NRXN1: variants seen among roughly 807,000 people sequenced by gnomAD.
NRXN1 encodes neurexin 1.
Under a neutral mutation model 150.9 loss-of-function variants are expected in NRXN1, and 39 were observed. That is an observed-to-expected ratio of 0.26 (90% confidence interval 0.20 to 0.34). NRXN1 has a LOEUF of 0.34. Among genes scored for constraint, NRXN1 ranks in the 10% least tolerant of loss-of-function variants. The pLI is 1.00. For missense variants in NRXN1, 1,815 were observed against 1,949.9 expected, an observed-to-expected ratio of 0.93 and a Z score of 1.30; for synonymous variants, 924 against 757.0, an observed-to-expected ratio of 1.22 and a Z score of -3.62.
At position 51,028,018 on chromosome 2, in the gene NRXN1, C is replaced by T. The variant is rs1434753092; in HGVS notation, c.256G>A (p.Gly86Ser). Reference protein sequence around the residue: ...CDFLELILTRGGRLQLSFSIF... With the variant: ...CDFLELILTRSGRLQLSFSIF... ...GAGAAGCTGAGCTGCAGGCGGCCGCCGCGCGTCAGAATCAGCTCCAGGAAG... is the reference window on the plus strand; with the variant it reads ...GAGAAGCTGAGCTGCAGGCGGCCGCTGCGCGTCAGAATCAGCTCCAGGAAG... Residue 86 changes from glycine to serine, a missense_variant, in exon 2 of 23, where the codon GGC (glycine) becomes AGC (serine). By Grantham distance (56) the Gly-to-Ser change is moderately conservative (BLOSUM62 0). This residue lies in a region of NRXN1 where 554 missense variants were observed against 478.8 expected (regional missense o/e 1.16). Transcript: ENST00000401669. 4 of 1,599,388 alleles carry T rather than the reference C, an allele frequency of 2.5e-6. No homozygotes were observed. The highest frequency in any genetic ancestry group is 2.5e-6 in the Non-Finnish European group (3 of 1,177,694).
At chr2:50,976,100 T>C (rs983890469) in intron 2 of NRXN1, among the ~76,000 whole-genome samples, 27 of 152,014 alleles carry the variant, frequency 1.8e-4, no homozygotes, top group Admixed American at 1.2e-3. Context: ...GACTCCCTAT[T>C]TTCTGATGAG....
chr2:50,252,116 T>C (rs541496269), intron 17 of NRXN1, among the ~76,000 whole-genome samples: 6 of 151,866 alleles, frequency 4.0e-5, no homozygotes, highest in Non-Finnish European at 8.8e-5. Flanking sequence ...CCTATGCCTA[T>C]GTCCTGAATG....
At position 51,026,095 on chromosome 2, in the gene NRXN1, G is replaced by C. The variant is rs79697415; in HGVS notation, c.772+1407C>G. Among the ~76,000 whole-genome samples the C allele has an allele frequency of 0.018, 2,758 of 152,220 alleles. 86 individuals are homozygous for C. Among genetic ancestry groups the C allele is most frequent in the African/African-American group, 0.064 (2,655 of 41,510 alleles). On this transcript the variant is annotated intron_variant, in intron 2 of 22. Coordinates refer to ENST00000401669, the MANE Select transcript of NRXN1 (RefSeq NM_001330078.2). ...ATTTCTCTTAAAGTCAAGTGAGAGA[G>C]AACTGCCAACTCTAATAAGATTTAC...
At chr2:50,905,545 G>C (rs1683548338) in intron 5 of NRXN1, among the ~76,000 whole-genome samples, 1 of 152,056 alleles carries the variant, frequency 6.6e-6, no homozygotes, top group Non-Finnish European at 1.5e-5. Flanking sequence ...TTGTGTTGCA[G>C]CCACACAACA....
chr2:49,960,293 G>A (rs746758238), intron 21 of NRXN1, among the ~76,000 whole-genome samples: 4 of 152,120 alleles, frequency 2.6e-5, no homozygotes, highest in Non-Finnish European at 4.4e-5. Context: ...TATCTGTGTT[G>A]CTTATAGCAA....
intron 5 of NRXN1, among the ~76,000 whole-genome samples, chr2:50,711,333 T>A (rs1181831633): frequency 1.4e-5 from 2 of 147,906 alleles, no homozygotes; most frequent in Non-Finnish European, 3.0e-5. Context: ...ACTGGACTTT[T>A]TTTTTTTTTT....
chr2:50,480,317 A>G (rs1351684907), intron 15 of NRXN1, among the ~76,000 whole-genome samples: 1 of 152,186 alleles, frequency 6.6e-6, no homozygotes, highest in Non-Finnish European at 1.5e-5. Context: ...GTCTTCTCCA[A>G]TTAAAATATG....
At chr2:50,511,083 C>G (rs1191148987) in intron 12 of NRXN1, among the ~76,000 whole-genome samples, 2 of 151,396 alleles carry the variant, frequency 1.3e-5, no homozygotes, top group East Asian at 3.9e-4. Context: ...ATTATTAAGA[C>G]AGAATCTCGC....
At chr2:50,858,025 G>T (rs1033558569) in intron 5 of NRXN1, among the ~76,000 whole-genome samples, 10 of 151,884 alleles carry the variant, frequency 6.6e-5, no homozygotes, top group South Asian at 4.1e-4. Context: ...ATTGATGGGT[G>T]AGCATTTTCT....
At chr2:50,465,643 G>T (rs1344115094) in intron 16 of NRXN1, 82 bp from the exon 17 acceptor site, 3 of 1,402,212 alleles carry the variant, frequency 2.1e-6, no homozygotes, top group Non-Finnish European at 1.9e-6. Context: ...ACATGTAGTA[G>T]TTGCCAACAC....
At chr2:50,948,446 T>G (rs1173718649) in intron 2 of NRXN1, among the ~76,000 whole-genome samples, 1 of 152,048 alleles carries the variant, frequency 6.6e-6, no homozygotes, top group Non-Finnish European at 1.5e-5. Context: ...TAAAATATAC[T>G]GTGCAAGGAA....
intron 17 of NRXN1, among the ~76,000 whole-genome samples, chr2:50,433,605 C>A (rs1382293935): frequency 1.4e-5 from 2 of 147,482 alleles, no homozygotes; most frequent in Non-Finnish European, 3.0e-5. Flanking sequence ...GAGTTATGGG[C>A]AGCGAAAACG....
intron 8 of NRXN1, among the ~76,000 whole-genome samples, chr2:50,586,546 T>G (rs1436076802): frequency 6.6e-6 from 1 of 151,682 alleles, no homozygotes; most frequent in African/African-American, 2.4e-5. Flanking sequence ...AATGTATTGG[T>G]GCAAGCCTTA....
chr2:50,795,695 T>C (rs558217902), intron 5 of NRXN1, among the ~76,000 whole-genome samples: 7 of 152,144 alleles, frequency 4.6e-5, no homozygotes, highest in Non-Finnish European at 8.8e-5. Flanking sequence ...ACAATTCTCC[T>C]CCATGTGGAA....
chr2:50,391,003 A>G (rs898245695), intron 17 of NRXN1, among the ~76,000 whole-genome samples: 6 of 152,150 alleles, frequency 3.9e-5, no homozygotes, highest in Non-Finnish European at 8.8e-5. Context: ...AGTTGATGTC[A>G]TTTATTCTAA....
rs752008463 is a variant in NRXN1 at position 50,801,053 on chromosome 2, C to T, written c.832+120816G>A. Among the ~76,000 whole-genome samples, 15 of 151,982 alleles carry T rather than the reference C, an allele frequency of 9.9e-5. No individual in the cohort carries two copies. In the East Asian group the frequency reaches 1.2e-3, roughly 12 times the overall value. On this transcript the variant is annotated intron_variant, in intron 5 of 22. Transcript: ENST00000401669. ...ACTAATTTAATTGCATAATTTTCTA[C>T]GTAGCAAAGTTATTTTTTTCCAATT...
intron 18 of NRXN1, among the ~76,000 whole-genome samples, chr2:50,144,566 C>T (rs546134001): frequency 5.9e-5 from 9 of 151,790 alleles, no homozygotes; most frequent in Non-Finnish European, 1.2e-4. Flanking sequence ...CATATTTGAA[C>T]TACACGGATA....
intron 17 of NRXN1, among the ~76,000 whole-genome samples, chr2:50,381,583 TG>T (rs1423566917): frequency 6.7e-5 from 10 of 149,822 alleles, no homozygotes; most frequent in Non-Finnish European, 1.3e-4. Flanking sequence ...AATCTGCTTT[TG>T]GCTATGAAAA....
chr2:50,729,553 T>G (rs901875402), intron 5 of NRXN1, among the ~76,000 whole-genome samples: 2 of 152,324 alleles, frequency 1.3e-5, no homozygotes, highest in Admixed American at 1.3e-4. Context: ...ACGCATGGTC[T>G]TCTGAGGGTA....
Sources: allele counts gnomAD v4.1 joint callset (sites outside exome capture counted in the v4.1 genomes callset), GRCh38; gene constraint gnomAD v4.1.1; regional missense constraint gnomAD v4.1.1; transcripts MANE v1.5; gene names NCBI Gene and HGNC (gene_info 2026-07-23, HGNC 2026-07-21).